The following CFAP47 variants were observed in gnomAD, a reference collection of about 807,000 sequenced individuals.
CFAP47 encodes cilia- and flagella-associated protein 47.
Under a neutral mutation model 148.1 loss-of-function variants are expected in CFAP47, and 29 were observed. The observed-to-expected ratio is 0.20, with a 90% CI of 0.15 to 0.27. CFAP47 has a LOEUF of 0.27. Ranked by LOEUF, CFAP47 falls within the 10% of genes least tolerant of loss-of-function variation. The probability of loss-of-function intolerance (pLI) is 1.00; values close to 1 mark genes in which losing one functional copy is unlikely to be tolerated. For missense variants in CFAP47, 1,872 were observed against 1,697.5 expected (o/e 1.10, Z -1.81); for synonymous variants, 664 against 577.3 (o/e 1.15, Z -2.15).
chrX:36,088,376 A>C (rs2146780040), intron 30 of CFAP47, among the ~76,000 whole-genome samples: 1 of 109,915 alleles, frequency 9.1e-6, no homozygotes, highest in East Asian at 2.9e-4. Context: ...ATATGTTGAA[A>C]CCCTAACCCC....
chrX:36,320,726 A>T (rs1262733537), intron 57 of CFAP47, among the ~76,000 whole-genome samples: 1 of 112,175 alleles, frequency 8.9e-6, no homozygotes, highest in Non-Finnish European at 1.9e-5. Context: ...GACCATCTAG[A>T]TTTTTTCCCT....
chrX:35,968,439 ACCAGGCAT>A (rs923357012), intron 10 of CFAP47, among the ~76,000 whole-genome samples: 5 of 111,883 alleles, frequency 4.5e-5, no homozygotes, highest in African/African-American at 1.6e-4. Flanking sequence ...TGAGAAGTGA[ACCAGGCAT>A]CCCGACATGC....
At chrX:36,166,595 G>A (rs1457429405) in intron 39 of CFAP47, among the ~76,000 whole-genome samples, 1 of 111,060 alleles carries the variant, frequency 9.0e-6, no homozygotes, top group African/African-American at 3.3e-5. Flanking sequence ...TGTTCAATCT[G>A]ATACCTGGGT....
intron 46 of CFAP47, among the ~76,000 whole-genome samples, chrX:36,231,765 T>G: frequency 9.0e-6 from 1 of 111,490 alleles, no homozygotes; most frequent in South Asian, 3.8e-4. Flanking sequence ...TAGATAGCTC[T>G]TATTATTTTG....
In CFAP47 at chrX:36,143,955, G is replaced by A. The variant is rs144469663; in HGVS notation, c.5536-1264G>A. 1.6e-4 allele frequency among the ~76,000 whole-genome samples: 18 copies of A among 110,793 alleles called. No homozygotes were observed. In the East Asian group the frequency reaches 4.9e-3, roughly 30 times the overall value. On this transcript the variant is annotated intron_variant, in intron 35 of 63. Transcript: ENST00000378653. ...TGCCGTCTAAGACCTCCACAATGTA[G>A]CCTGGCACTCCTTAGTCTTTTTTCT...
intron 40 of CFAP47, among the ~76,000 whole-genome samples, chrX:36,185,090 A>G (rs781869519): frequency 9.0e-6 from 1 of 111,363 alleles, no homozygotes; most frequent in Admixed American, 9.6e-5. Context: ...GGCTTAAACA[A>G]CAAATATTTA....
intron 21 of CFAP47, among the ~76,000 whole-genome samples, chrX:36,008,225 A>G (rs1326965076): frequency 1.8e-5 from 2 of 111,375 alleles, no homozygotes; most frequent in Admixed American, 1.9e-4. Context: ...GTCAGCTCTG[A>G]TTCCCCTCAC....
chrX:35,988,041 C>G (rs919561232), intron 15 of CFAP47, among the ~76,000 whole-genome samples: 1 of 111,596 alleles, frequency 9.0e-6, no homozygotes, highest in South Asian at 3.8e-4. Context: ...CAGACCAGAG[C>G]TGTTCCTATT....
chrX:36,189,346 T>G (rs1441646764), intron 41 of CFAP47, among the ~76,000 whole-genome samples: 3 of 111,095 alleles, frequency 2.7e-5, no homozygotes, highest in Non-Finnish European at 5.7e-5. Flanking sequence ...GGACATCTGC[T>G]GGGGCTCTTG....
intron 1 of CFAP47, among the ~76,000 whole-genome samples, chrX:35,924,072 T>C (rs913219070): frequency 1.0e-5 from 1 of 96,351 alleles, no homozygotes; most frequent in African/African-American, 4.2e-5. Context: ...CACATATATG[T>C]ATATATGTAC....
At chrX:36,248,259 C>T (rs1224943529) in intron 48 of CFAP47, among the ~76,000 whole-genome samples, 2 of 104,577 alleles carry the variant, frequency 1.9e-5, no homozygotes, top group Non-Finnish European at 3.9e-5. Flanking sequence ...AGAAGATCTA[C>T]AGTTACCTAT....
At chrX:36,371,709 TATGTGTGTATATACACAC>T (rs1360142108) in intron 62 of CFAP47, among the ~76,000 whole-genome samples, 2 of 63,376 alleles carry the variant, frequency 3.2e-5, no homozygotes, top group Non-Finnish European at 5.6e-5. Context: ...CATGTGTATA[TATGTGTGTATATACACAC>T]ATGTGTGTAT....
At chrX:35,969,631 T>A (rs1156832058) in intron 10 of CFAP47, among the ~76,000 whole-genome samples, 1 of 111,762 alleles carries the variant, frequency 8.9e-6, no homozygotes, top group Non-Finnish European at 1.9e-5. Flanking sequence ...TCTTTCCTTA[T>A]CCTTCTCTCC....
At chrX:36,141,592 A>G (rs1242339761) in intron 35 of CFAP47, among the ~76,000 whole-genome samples, 1 of 111,882 alleles carries the variant, frequency 8.9e-6, no homozygotes, top group African/African-American at 3.3e-5. Context: ...CAATCCAGTC[A>G]AATTGACACC....
At chrX:36,230,282 G>C (rs1940329781) in intron 46 of CFAP47, among the ~76,000 whole-genome samples, 1 of 105,922 alleles carries the variant, frequency 9.4e-6, no homozygotes, top group Non-Finnish European at 1.9e-5. Flanking sequence ...GTTGTTTCCT[G>C]ACTTTTTAAT....
intron 29 of CFAP47, among the ~76,000 whole-genome samples, chrX:36,075,250 T>TG (rs1444482432): frequency 2.8e-5 from 3 of 108,213 alleles, no homozygotes; most frequent in African/African-American, 1.0e-4. Context: ...TATTTAGAGA[T>TG]GGAGTCTCTC....
At chrX:35,946,016 G>A (rs1356465461) in intron 3 of CFAP47, among the ~76,000 whole-genome samples, 1 of 108,671 alleles carries the variant, frequency 9.2e-6, no homozygotes, top group African/African-American at 3.4e-5. Context: ...GGGATTACAG[G>A]TGTGCGCCAC....
At chrX:36,174,567 T>G (rs1939639346) in intron 39 of CFAP47, among the ~76,000 whole-genome samples, 1 of 109,006 alleles carries the variant, frequency 9.2e-6, no homozygotes, top group Non-Finnish European at 1.9e-5. Context: ...TGAAGCTTAG[T>G]TTGGCTGGAT....
chrX:36,310,054 G>A (rs1003249201), intron 55 of CFAP47, among the ~76,000 whole-genome samples: 1 of 110,293 alleles, frequency 9.1e-6, no homozygotes, highest in Non-Finnish European at 1.9e-5. Context: ...GCTTGGAAAC[G>A]TCTATATAGT....
Sources: allele counts gnomAD v4.1 joint callset (sites outside exome capture counted in the v4.1 genomes callset), GRCh38; gene constraint gnomAD v4.1.1; transcripts MANE v1.5; gene names NCBI Gene and HGNC (gene_info 2026-07-23, HGNC 2026-07-21).